Variants in RBFOX1 observed in about 807,000 individuals in gnomAD.
The protein encoded by RBFOX1 is RNA binding protein fox-1 homolog 1.
Under a neutral mutation model 57.7 loss-of-function variants are expected in RBFOX1, and 8 were observed. The ratio of observed to expected loss-of-function variants is 0.14; its 90% CI spans 0.08 to 0.25. The LOEUF (loss-of-function observed/expected upper bound fraction) is 0.25, where lower values mean the gene tolerates loss of function less well. Ranked by LOEUF, RBFOX1 falls within the 10% of genes least tolerant of loss-of-function variation. The pLI is 1.00. For synonymous variants in RBFOX1, 326 were observed against 222.4 expected (o/e 1.47, Z -4.15); for missense variants, 611 against 548.5 (o/e 1.11, Z -1.14).
chr16:6,718,304 C>A (rs540339939), intron 3 of RBFOX1, among the ~76,000 whole-genome samples: 8 of 152,302 alleles, frequency 5.3e-5, no homozygotes, highest in African/African-American at 1.9e-4. Context: ...ATGGAACAGA[C>A]GTGCCCTTGT....
chr16:6,603,651 C>T (rs192327883), intron 2 of RBFOX1, among the ~76,000 whole-genome samples: 2 of 152,162 alleles, frequency 1.3e-5, no homozygotes, highest in African/African-American at 2.4e-5. Flanking sequence ...GGGTTATGCA[C>T]CACTAGGCTG....
chr16:6,818,247 G>A (rs1021472783), intron 3 of RBFOX1, among the ~76,000 whole-genome samples: 4 of 152,032 alleles, frequency 2.6e-5, no homozygotes, highest in South Asian at 2.1e-4. Context: ...TACAAGCAGA[G>A]GCTTTAGAAG....
At chr16:5,527,355 C>A (rs937377419) in intron 2 of RBFOX1, among the ~76,000 whole-genome samples, 8 of 152,206 alleles carry the variant, frequency 5.3e-5, no homozygotes, top group African/African-American at 1.7e-4. Flanking sequence ...AGACTCCTCC[C>A]CCATACAGCG....
chr16:7,336,139 C>T (rs1278263387), intron 4 of RBFOX1, among the ~76,000 whole-genome samples: 1 of 152,204 alleles, frequency 6.6e-6, no homozygotes, highest in Non-Finnish European at 1.5e-5. Context: ...CCTGGTAACA[C>T]AGGAGCCTCA....
intron 1 of RBFOX1, among the ~76,000 whole-genome samples, chr16:5,435,303 G>C (rs1334799172): frequency 6.6e-6 from 1 of 152,164 alleles, no homozygotes; most frequent in Non-Finnish European, 1.5e-5. Context: ...ATGTGGATCT[G>C]TTTCCCCACC....
At chr16:6,886,242 A>G (rs1431129874) in intron 3 of RBFOX1, among the ~76,000 whole-genome samples, 4 of 151,624 alleles carry the variant, frequency 2.6e-5, no homozygotes, top group Admixed American at 6.6e-5. Flanking sequence ...TTGTATTTTT[A>G]GTAGAGACGA....
chr16:6,693,043 C>A (rs1008879495), intron 3 of RBFOX1, among the ~76,000 whole-genome samples: 1 of 151,768 alleles, frequency 6.6e-6, no homozygotes, highest in Admixed American at 6.6e-5. Flanking sequence ...CATCCACTAC[C>A]ATCACCACCA....
intron 4 of RBFOX1, among the ~76,000 whole-genome samples, chr16:7,284,820 T>G (rs960177502): frequency 6.6e-6 from 1 of 152,220 alleles, no homozygotes; most frequent in Non-Finnish European, 1.5e-5. Context: ...GGCTGAGTGT[T>G]AGAGCTTTAA....
chr16:5,718,452 T>A (rs977380577), intron 3 of RBFOX1, among the ~76,000 whole-genome samples: 2 of 152,234 alleles, frequency 1.3e-5, no homozygotes, highest in African/African-American at 4.8e-5. Flanking sequence ...GTTATTTTGA[T>A]GATAGCTAAC....
chr16:6,619,169 G>GA lies in RBFOX1; in HGVS notation c.-63-35423dup, dbSNP rs149404473. 1.5e-3 allele frequency among the ~76,000 whole-genome samples: 217 copies of GA among 147,578 alleles called. 1 individual carries two copies. Among genetic ancestry groups the GA allele is most frequent in the African/African-American group, 3.9e-3 (158 of 40,136 alleles). On this transcript the variant is annotated intron_variant, in intron 2 of 15. Coordinates refer to ENST00000550418, the MANE Select transcript of RBFOX1 (RefSeq NM_018723.4). ...GCTGACATGTTCCAGCCAGGAAGGA[G>GA]AAAAAAAAAAACAACTTCTGATGTC...
intron 2 of RBFOX1, among the ~76,000 whole-genome samples, chr16:5,572,560 T>C (rs1596316412): frequency 1.3e-5 from 2 of 152,292 alleles, no homozygotes; most frequent in South Asian, 4.1e-4. Flanking sequence ...TCTCCAGGCA[T>C]TGCCAAATGG....
At chr16:6,451,586 G>C (rs979186917) in intron 2 of RBFOX1, among the ~76,000 whole-genome samples, 3 of 152,068 alleles carry the variant, frequency 2.0e-5, no homozygotes, top group Non-Finnish European at 4.4e-5. Flanking sequence ...CCTTCACCTG[G>C]AAATAATTCA....
At chr16:6,992,888 C>T (rs1000507581) in intron 3 of RBFOX1, among the ~76,000 whole-genome samples, 11 of 151,848 alleles carry the variant, frequency 7.2e-5, no homozygotes, top group South Asian at 6.3e-4. Flanking sequence ...CAGTGCCCAC[C>T]GCCCAAGCAC....
chr16:6,967,761 G>A (rs2084602136), intron 3 of RBFOX1, among the ~76,000 whole-genome samples: 1 of 152,062 alleles, frequency 6.6e-6, no homozygotes, highest in African/African-American at 2.4e-5. Context: ...GTGCAGCTGT[G>A]GGACCCTGGG....
intron 1 of RBFOX1, among the ~76,000 whole-genome samples, chr16:5,432,937 C>T (rs1055708306): frequency 2.0e-5 from 3 of 152,142 alleles, no homozygotes; most frequent in Admixed American, 1.3e-4. Context: ...AGGCCCACAC[C>T]ACCACTCCTG....
intron 4 of RBFOX1, among the ~76,000 whole-genome samples, chr16:7,174,958 T>A (rs1045393167): frequency 1.3e-5 from 2 of 152,232 alleles, no homozygotes; most frequent in African/African-American, 4.8e-5. Flanking sequence ...TGTGGTGATA[T>A]CTCATCATCA....
intron 3 of RBFOX1, among the ~76,000 whole-genome samples, chr16:5,761,071 C>T (rs1567505623): frequency 1.3e-5 from 2 of 152,146 alleles, no homozygotes; most frequent in Non-Finnish European, 2.9e-5. Context: ...AGGAAGGATC[C>T]AGTTGGTAAA....
chr16:5,772,941 G>A (rs752372279), intron 3 of RBFOX1, among the ~76,000 whole-genome samples: 9 of 152,178 alleles, frequency 5.9e-5, no homozygotes, highest in Admixed American at 1.3e-4. Flanking sequence ...GGCAGAGGGA[G>A]CTGACTGTGC....
intron 3 of RBFOX1, among the ~76,000 whole-genome samples, chr16:6,976,553 A>T (rs2086901426): frequency 6.6e-6 from 1 of 152,046 alleles, no homozygotes; most frequent in African/African-American, 2.4e-5. Context: ...AAGCAAGTTT[A>T]TTAGGAAAGG....
Sources: allele counts gnomAD v4.1 joint callset (sites outside exome capture counted in the v4.1 genomes callset), GRCh38; gene constraint gnomAD v4.1.1; transcripts MANE v1.5; gene names NCBI Gene and HGNC (gene_info 2026-07-23, HGNC 2026-07-21).